CRYAB: variants seen among roughly 807,000 people sequenced by gnomAD.
The protein encoded by CRYAB is crystallin alpha B.
CRYAB carries 9 observed loss-of-function variants against 12.7 expected under a neutral mutation model. The ratio of observed to expected loss-of-function variants is 0.71; its 90% CI spans 0.43 to 1.24. The LOEUF (loss-of-function observed/expected upper bound fraction) is 1.24. Ranked by LOEUF, CRYAB falls within the 50% of genes most tolerant of loss-of-function variation. CRYAB has a pLI of 0.00. For synonymous variants in CRYAB, 93 were observed against 86.8 expected (o/e 1.07, Z -0.40); for missense variants, 183 against 226.6 (o/e 0.81, Z 1.24).
At chr11:111,912,096 G>T, upstream of CRYAB, 1 of 275,872 alleles carries the variant, frequency 3.6e-6, no homozygotes, top group Non-Finnish European at 7.0e-6. Context: ...ATGGGAGCCG[G>T]CGTAGTGTGC....
intron 1 of CRYAB, among the ~76,000 whole-genome samples, chr11:111,919,594 C>A (rs1382389874): frequency 6.6e-6 from 1 of 152,154 alleles, no homozygotes; most frequent in Non-Finnish European, 1.5e-5. Flanking sequence ...CCTTCTTTCC[C>A]TTTCTTCCTG....
At chr11:111,913,931 A>T, upstream of CRYAB, 1 of 1,538,756 alleles carries the variant, frequency 6.5e-7, no homozygotes. Context: ...ATCCCTCTCT[A>T]CCTCCCAAGG....
In CRYAB at chr11:111,918,646, G is replaced by A. The variant is rs188769069; in HGVS notation, c.-199+5057C>T. The A allele has an allele frequency of 1.9e-5, 13 of 675,044 alleles. No homozygotes were observed. The African/African-American group carries it at 1.9e-4, about 10-fold the overall frequency. 41.8% of individuals were successfully genotyped at this position (675,044 alleles called of 1,614,324 possible). ...GAGTGATGTAATGGAGAAGCATTTC[G>A]TAAGGAAACCAAGAGCCCTTTTCTA... is the stretch of plus-strand genomic sequence containing the variant. On this transcript the variant is annotated intron_variant, in intron 1 of 3. Coordinates refer to the CRYAB transcript ENST00000527950.
At chr11:111,915,137 T>C (rs587619713), upstream of CRYAB, among the ~76,000 whole-genome samples, 9 of 152,288 alleles carry the variant, frequency 5.9e-5, no homozygotes, top group South Asian at 1.0e-3. Flanking sequence ...TATAGACCCT[T>C]CTGAAAATCT....
chr11:111,912,968 G>A (rs1262555246), upstream of CRYAB: 2 of 935,138 alleles, frequency 2.1e-6, no homozygotes, highest in Non-Finnish European at 2.6e-6. Flanking sequence ...CCCACCCCCT[G>A]AAATTCTGGG....
upstream of CRYAB, chr11:111,913,926 T>A: frequency 6.4e-7 from 1 of 1,558,528 alleles, no homozygotes; most frequent in East Asian, 2.2e-5. Flanking sequence ...AGCAAATCCC[T>A]CTCTACCTCC....
upstream of CRYAB, chr11:111,913,201 G>GCCTCCTCCTCCTCCCCCT (rs1184247477): frequency 3.3e-6 from 2 of 602,758 alleles, no homozygotes; most frequent in African/African-American, 1.9e-5. Flanking sequence ...GCCGTTTGGT[G>GCCTCCTCCTCCTCCCCCT]CCTCCTCCTC....
upstream of CRYAB, chr11:111,912,519 A>C (rs1007388164): frequency 1.3e-5 from 6 of 474,740 alleles, no homozygotes; most frequent in Non-Finnish European, 2.3e-5. Flanking sequence ...TGCCCCAGGC[A>C]CCACCAGCTC....
At chr11:111,920,894 T>C (rs1965686107) in intron 1 of CRYAB, among the ~76,000 whole-genome samples, 2 of 152,222 alleles carry the variant, frequency 1.3e-5, no homozygotes, top group Non-Finnish European at 2.9e-5. Context: ...TCTGTATCCA[T>C]CCTCACATGT....
chr11:111,912,747 C>A, upstream of CRYAB: 1 of 1,140,030 alleles, frequency 8.8e-7, no homozygotes, highest in Non-Finnish European at 1.3e-6. Context: ...CTATCGAGCC[C>A]TGGCTCTCCG....
upstream of CRYAB, chr11:111,913,176 C>A: frequency 1.7e-6 from 1 of 604,786 alleles, no homozygotes; most frequent in South Asian, 2.0e-5. Flanking sequence ...CCTTGTCCCC[C>A]TTCTATCCAC....
upstream of CRYAB, chr11:111,912,840 G>T (rs1365011398): frequency 1.9e-6 from 3 of 1,603,388 alleles, no homozygotes; most frequent in South Asian, 1.1e-5. Flanking sequence ...ATGTCGGGCC[G>T]CTCAGTGCCA....
intron 1 of CRYAB, 165 bp from the exon 2 acceptor site, chr11:111,910,614 G>T: frequency 1.2e-6 from 1 of 860,822 alleles, no homozygotes; most frequent in Non-Finnish European, 1.9e-6. Flanking sequence ...GTCTGCTTCA[G>T]GGAGCCACCA....
chr11:111,911,460 G>T (rs1429587969), intron 1 of CRYAB, 64 bp downstream of exon 1: 1 of 1,516,852 alleles, frequency 6.6e-7, no homozygotes, highest in Non-Finnish European at 9.0e-7. Flanking sequence ...AAAGGAAAAT[G>T]GATGGAGAAG....
chr11:111,911,938 C>A, upstream of CRYAB: 1 of 575,618 alleles, frequency 1.7e-6, no homozygotes, highest in Non-Finnish European at 3.1e-6. Context: ...AAAAGAGAGA[C>A]ACAAACACGT....
At chr11:111,918,392 A>G (rs1965630004) in intron 1 of CRYAB, among the ~76,000 whole-genome samples, 1 of 152,200 alleles carries the variant, frequency 6.6e-6, no homozygotes, top group African/African-American at 2.4e-5. Context: ...ATAAAGGTTA[A>G]GTGATTTGCC....
chr11:111,917,628 C>T (rs1187010953), upstream of CRYAB, among the ~76,000 whole-genome samples: 1 of 150,148 alleles, frequency 6.7e-6, no homozygotes, highest in East Asian at 2.0e-4. Flanking sequence ...CATAACAAGA[C>T]CCCCATCTCA....
upstream of CRYAB, chr11:111,913,824 G>T (rs782230322): frequency 6.2e-7 from 1 of 1,614,118 alleles, no homozygotes. Flanking sequence ...GGTCAATGAG[G>T]TCTACATCTC....
At chr11:111,909,756 C>T (rs1327267920) in intron 2 of CRYAB, 2 of 215,100 alleles carry the variant, frequency 9.3e-6, no homozygotes, top group South Asian at 8.2e-5. Flanking sequence ...AGAAGAGACA[C>T]GGATTCTTGC....
Sources: allele counts gnomAD v4.1 joint callset (sites outside exome capture counted in the v4.1 genomes callset), GRCh38; gene constraint gnomAD v4.1.1; transcripts MANE v1.5; gene names NCBI Gene and HGNC (gene_info 2026-07-23, HGNC 2026-07-21).